The following TEAD1 variants were observed in gnomAD, a reference collection of about 807,000 sequenced individuals.
The protein encoded by TEAD1 is transcriptional enhancer factor TEF-1.
A neutral mutation model predicts 54.9 loss-of-function variants in TEAD1; 9 were observed. The observed-to-expected ratio is 0.16, with a 90% CI of 0.10 to 0.29. TEAD1 has a LOEUF of 0.29. TEAD1 is among the 10% of genes least tolerant of loss of function. TEAD1 has a pLI of 1.00. For missense variants in TEAD1, 387 were observed against 535.9 expected (o/e 0.72, Z 2.74); for synonymous variants, 200 against 187.8 (o/e 1.07, Z -0.53).
At chr11:12,728,108 C>T (rs1035331199) in intron 2 of TEAD1, among the ~76,000 whole-genome samples, 5 of 152,188 alleles carry the variant, frequency 3.3e-5, no homozygotes, top group East Asian at 3.9e-4. Flanking sequence ...GTGACCAAGC[C>T]GTAGTAGAGG....
intron 5 of TEAD1, among the ~76,000 whole-genome samples, chr11:12,867,478 C>T (rs1262732168): frequency 1.3e-5 from 2 of 152,284 alleles, no homozygotes; most frequent in African/African-American, 2.4e-5. Flanking sequence ...TTAGGACAGT[C>T]GCAGAGAGTG....
rs1947505428 is a variant in TEAD1, at chr11:12,861,625, G to A, written c.203-625G>A. On this transcript the variant is annotated intron_variant, in intron 3 of 12. Coordinates refer to ENST00000527636, the MANE Select transcript of TEAD1 (RefSeq NM_021961.6). Reference sequence around the variant, plus strand: ...TTTAGTCCCAGACTAATCCTTGTCTGTATTTGTTGCTTATATGAGTGACCC... The same window carrying A: ...TTTAGTCCCAGACTAATCCTTGTCTATATTTGTTGCTTATATGAGTGACCC... Among the ~76,000 whole-genome samples the A allele has an allele frequency of 2.0e-5, 3 of 152,326 alleles. No individual in the cohort carries two copies. The South Asian group carries it at 6.2e-4, about 32-fold the overall frequency.
At chr11:12,693,515 G>C (rs1481123948) in intron 2 of TEAD1, among the ~76,000 whole-genome samples, 1 of 152,194 alleles carries the variant, frequency 6.6e-6, no homozygotes, top group Admixed American at 6.5e-5. Context: ...CTAGGGGAAT[G>C]ACATCTAAAA....
intron 2 of TEAD1, among the ~76,000 whole-genome samples, chr11:12,703,914 T>C (rs1310945586): frequency 2.0e-5 from 3 of 152,186 alleles, no homozygotes; most frequent in Non-Finnish European, 4.4e-5. Context: ...CATGGGGTAG[T>C]GTAAATTTGC....
At chr11:12,841,034 C>G (rs747307268) in intron 3 of TEAD1, among the ~76,000 whole-genome samples, 4 of 152,176 alleles carry the variant, frequency 2.6e-5, no homozygotes, top group Non-Finnish European at 5.9e-5. Context: ...AGCCTTTTAA[C>G]ATGAAAATAC....
At chr11:12,726,561 A>AG (rs1944318148) in intron 2 of TEAD1, among the ~76,000 whole-genome samples, 2 of 152,026 alleles carry the variant, frequency 1.3e-5, no homozygotes, top group South Asian at 2.1e-4. Flanking sequence ...GGGGAAAAAA[A>AG]GTAAAACACA....
intron 9 of TEAD1, among the ~76,000 whole-genome samples, chr11:12,897,746 A>G (rs1020002423): frequency 6.6e-6 from 1 of 152,232 alleles, no homozygotes; most frequent in Admixed American, 6.5e-5. Flanking sequence ...TTTGTGAATC[A>G]TGTTTGTCAC....
chr11:12,810,233 C>T (rs1474027266), intron 3 of TEAD1, among the ~76,000 whole-genome samples: 4 of 152,096 alleles, frequency 2.6e-5, no homozygotes, highest in African/African-American at 9.7e-5. Context: ...CCCACCTCAA[C>T]CTCCCAAAGT....
chr11:12,911,442 G>A (rs1295089862), intron 10 of TEAD1, among the ~76,000 whole-genome samples: 1 of 152,140 alleles, frequency 6.6e-6, no homozygotes, highest in Non-Finnish European at 1.5e-5. Context: ...ATACGAAATC[G>A]TTTGCTTTCC....
chr11:12,732,826 T>A (rs1054568815), intron 2 of TEAD1, among the ~76,000 whole-genome samples: 23 of 152,214 alleles, frequency 1.5e-4, no homozygotes, highest in Non-Finnish European at 2.6e-4. Context: ...TGAATAGTGA[T>A]TGCATAGAAT....
At chr11:12,811,674 G>T (rs1399509054) in intron 3 of TEAD1, among the ~76,000 whole-genome samples, 1 of 152,172 alleles carries the variant, frequency 6.6e-6, no homozygotes, top group Non-Finnish European at 1.5e-5. Flanking sequence ...GGACCCAGAA[G>T]TCCAGGGAAT....
At chr11:12,782,281 G>A (rs1242726915) in intron 3 of TEAD1, among the ~76,000 whole-genome samples, 1 of 152,118 alleles carries the variant, frequency 6.6e-6, no homozygotes, top group African/African-American at 2.4e-5. Flanking sequence ...GCAATAAAAA[G>A]GAATGAAGTC....
intron 10 of TEAD1, among the ~76,000 whole-genome samples, chr11:12,906,133 C>T (rs939670535): frequency 2.6e-5 from 4 of 152,088 alleles, no homozygotes; most frequent in Non-Finnish European, 4.4e-5. Context: ...GTGTCTCATG[C>T]CTTCATGGTG....
chr11:12,799,776 C>T (rs186515643), intron 3 of TEAD1, among the ~76,000 whole-genome samples: 7 of 152,214 alleles, frequency 4.6e-5, no homozygotes, highest in Middle Eastern at 3.4e-3. Context: ...TTGGGAAACC[C>T]TATAGTCTGT....
chr11:12,926,627 A>G (rs1033523949), intron 11 of TEAD1, among the ~76,000 whole-genome samples: 16 of 152,210 alleles, frequency 1.1e-4, no homozygotes, highest in Non-Finnish European at 2.4e-4. Context: ...TAAATTGGGA[A>G]TCCTGAGCAT....
At chr11:12,711,938 G>T (rs1445965774) in intron 2 of TEAD1, among the ~76,000 whole-genome samples, 1 of 152,142 alleles carries the variant, frequency 6.6e-6, no homozygotes, top group African/African-American at 2.4e-5. Context: ...TCTCAGGGTT[G>T]AATGTGCAGA....
intron 2 of TEAD1, among the ~76,000 whole-genome samples, chr11:12,694,726 C>T (rs1299963916): frequency 6.6e-6 from 1 of 152,148 alleles, no homozygotes; most frequent in Non-Finnish European, 1.5e-5. Flanking sequence ...TTTTCATTTA[C>T]CAACTCTTAC....
rs1042554130 is a variant in TEAD1, at chr11:12,748,755, G to C, written c.-54-15424G>C. The stretch of plus-strand genomic sequence containing the variant: ...GGCAGTGGCGAGAGTGTGGGGAGGC[G>C]GGGGACAGCTCAGCTCTGGCAGAGG... On this transcript the variant is annotated intron_variant, in intron 2 of 12. Transcript: ENST00000527636. Among the ~76,000 whole-genome samples, 9 of 152,022 alleles carry C rather than the reference G, an allele frequency of 5.9e-5. No homozygotes were observed. The South Asian group carries it at 1.7e-3, about 28-fold the overall frequency.
intron 4 of TEAD1, among the ~76,000 whole-genome samples, chr11:12,863,176 G>C (rs969234656): frequency 4.6e-5 from 7 of 152,168 alleles, no homozygotes; most frequent in Non-Finnish European, 1.0e-4. Flanking sequence ...CATTAAGATT[G>C]AGCAGCAGAT....
Sources: allele counts gnomAD v4.1 joint callset (sites outside exome capture counted in the v4.1 genomes callset), GRCh38; gene constraint gnomAD v4.1.1; transcripts MANE v1.5; gene names NCBI Gene and HGNC (gene_info 2026-07-23, HGNC 2026-07-21).